Variants in GABRA5 observed in about 807,000 individuals in gnomAD.
The protein encoded by GABRA5 is gamma-aminobutyric acid type A receptor subunit alpha5.
A neutral mutation model predicts 47.3 loss-of-function variants in GABRA5; 18 were observed. The observed-to-expected ratio is 0.38, with a 90% CI of 0.26 to 0.56. The LOEUF (loss-of-function observed/expected upper bound fraction) is 0.56, where lower values mean the gene tolerates loss of function less well. GABRA5 is among the 20% of genes least tolerant of loss of function. GABRA5 has a pLI of 0.71. For missense variants in GABRA5, 365 were observed against 599.3 expected, an observed-to-expected ratio of 0.61 and a Z score of 4.08; for synonymous variants, 237 against 229.3, an observed-to-expected ratio of 1.03 and a Z score of -0.30.
intron 1 of GABRA5, among the ~76,000 whole-genome samples, chr15:26,868,424 A>G (rs1378221545): frequency 1.3e-5 from 2 of 152,216 alleles, no homozygotes; most frequent in African/African-American, 2.4e-5. Flanking sequence ...TTTTCGAAGC[A>G]TACTGTTCGG....
chr15:26,928,574 G>A (rs543599271), intron 7 of GABRA5, among the ~76,000 whole-genome samples: 4 of 152,136 alleles, frequency 2.6e-5, no homozygotes, highest in Admixed American at 6.5e-5. Context: ...GTCCTCCTGC[G>A]TGGGATTAGT....
intron 7 of GABRA5, among the ~76,000 whole-genome samples, chr15:26,929,646 G>C (rs11856121): frequency 6.6e-6 from 1 of 152,194 alleles, no homozygotes; most frequent in Non-Finnish European, 1.5e-5. Context: ...TCTGTTGAGC[G>C]CAGCCCTCAC....
At chr15:26,886,036 T>C (rs1471184750) in intron 6 of GABRA5, among the ~76,000 whole-genome samples, 1 of 152,074 alleles carries the variant, frequency 6.6e-6, no homozygotes, top group African/African-American at 2.4e-5. Context: ...GTTGTTGTTG[T>C]TGAGATGGAG....
At chr15:26,870,720 T>TGTGAA (rs1166470856) in intron 3 of GABRA5, among the ~76,000 whole-genome samples, 1 of 152,232 alleles carries the variant, frequency 6.6e-6, no homozygotes, top group East Asian at 1.9e-4. Flanking sequence ...GCCTGTAAAC[T>TGTGAA]AGCATGTTCA....
Position 26,948,511 on chromosome 15 carries a change from A to G in GABRA5, c.*278A>G. The G allele has an allele frequency of 2.6e-6, 1 of 379,142 alleles. No homozygotes were observed. Among genetic ancestry groups the G allele is most frequent in the South Asian group, 6.0e-5 (1 of 16,628 alleles). 23.5% of individuals were successfully genotyped at this position (379,142 alleles called of 1,614,324 possible). On this transcript the variant is annotated 3_prime_UTR_variant, in exon 11 of 11. Transcript: ENST00000335625. The stretch of plus-strand genomic sequence containing the variant: ...CAGTATCATACGTTGATAGTTTACA[A>G]ACAAGATACGTATATTTTTAACTGC...
At chr15:26,915,605 G>C (rs935995767) in intron 7 of GABRA5, among the ~76,000 whole-genome samples, 21 of 152,088 alleles carry the variant, frequency 1.4e-4, no homozygotes, top group African/African-American at 5.1e-4. Context: ...ATTTCTCCAA[G>C]TATTAAATTT....
At chr15:26,866,845 C>T (rs1385245589), upstream of GABRA5, 1 of 152,250 alleles carries the variant, frequency 6.6e-6, no homozygotes, top group Non-Finnish European at 1.5e-5. Context: ...CCTCTATCAC[C>T]CGACTGCTGA....
Position 26,948,041 on chromosome 15 carries a change from T to C in GABRA5, c.1197T>C (p.Asn399=), listed in dbSNP as rs780668752. The C allele has an allele frequency of 1.9e-6, 3 of 1,607,736 alleles. No individual in the cohort carries two copies. Among genetic ancestry groups the C allele is most frequent in the Non-Finnish European group, 1.7e-6 (2 of 1,176,872 alleles). Residue 399 remains asparagine (N), a synonymous_variant, in exon 11 of 11, where the codon AAT becomes AAC. Transcript: ENST00000335625. ...PKEQTPAGTS[N]TTSVSVKPSE... ...AACAGACCCCAGCAGGGACGTCGAA[T>C]ACAACCTCAGTCTCAGTAAAACCCT...
At chr15:26,933,349 T>G (rs1007476717) in intron 7 of GABRA5, among the ~76,000 whole-genome samples, 1 of 152,126 alleles carries the variant, frequency 6.6e-6, no homozygotes, top group African/African-American at 2.4e-5. Flanking sequence ...CTGTTTTCCA[T>G]GAGGAAATTG....
At chr15:26,939,658 G>A in intron 8 of GABRA5, 2 of 597,560 alleles carry the variant, frequency 3.3e-6, no homozygotes, top group Non-Finnish European at 6.0e-6. Context: ...TGTGACTGGA[G>A]ATTAGTAAAA....
chr15:26,891,051 C>A (rs1320828770), intron 6 of GABRA5, among the ~76,000 whole-genome samples: 2 of 152,204 alleles, frequency 1.3e-5, no homozygotes, highest in Non-Finnish European at 2.9e-5. Flanking sequence ...ACATTTCTTG[C>A]ATATTTGGTT....
At chr15:26,921,865 T>C (rs1243352635) in intron 7 of GABRA5, among the ~76,000 whole-genome samples, 1 of 152,182 alleles carries the variant, frequency 6.6e-6, no homozygotes, top group East Asian at 1.9e-4. Flanking sequence ...ATTATTTAGA[T>C]ATATGTTATT....
intron 7 of GABRA5, among the ~76,000 whole-genome samples, chr15:26,923,546 G>A (rs1477274604): frequency 6.6e-6 from 1 of 151,610 alleles, no homozygotes; most frequent in Non-Finnish European, 1.5e-5. Context: ...TCAGAAGTTT[G>A]ACTATGATGT....
chr15:26,875,305 G>A (rs1452699093), intron 3 of GABRA5, among the ~76,000 whole-genome samples: 12 of 152,190 alleles, frequency 7.9e-5, no homozygotes, highest in Non-Finnish European at 1.5e-5. Flanking sequence ...CTCCCTCGCA[G>A]GGGCATCCTG....
chr15:26,894,113 G>A (rs1257728994), intron 6 of GABRA5, among the ~76,000 whole-genome samples: 1 of 150,964 alleles, frequency 6.6e-6, no homozygotes, highest in Non-Finnish European at 1.5e-5. Context: ...GGAGCGCAGC[G>A]GCCCGGGCAG....
intron 6 of GABRA5, among the ~76,000 whole-genome samples, chr15:26,907,466 T>C (rs1287597783): frequency 1.3e-5 from 2 of 152,220 alleles, no homozygotes; most frequent in African/African-American, 2.4e-5. Context: ...CTATTTCTTA[T>C]GACAGGCAAA....
At chr15:26,887,158 T>G (rs1892899443) in intron 6 of GABRA5, among the ~76,000 whole-genome samples, 1 of 152,206 alleles carries the variant, frequency 6.6e-6, no homozygotes, top group South Asian at 2.1e-4. Flanking sequence ...ATAAGCTTTA[T>G]GCACAAAGGT....
intron 6 of GABRA5, among the ~76,000 whole-genome samples, chr15:26,908,336 G>T (rs1893495017): frequency 6.6e-6 from 1 of 152,086 alleles, no homozygotes; most frequent in Non-Finnish European, 1.5e-5. Flanking sequence ...TGTGACTCAG[G>T]TGTAGAGTGA....
At chr15:26,904,313 C>T (rs912370690) in intron 6 of GABRA5, among the ~76,000 whole-genome samples, 1 of 151,994 alleles carries the variant, frequency 6.6e-6, no homozygotes, top group Non-Finnish European at 1.5e-5. Context: ...TACTGTTCCA[C>T]TGATCTATGC....
Sources: gnomAD v4.1 joint callset for allele counts (sites outside exome capture counted in the v4.1 genomes callset) on GRCh38, gnomAD v4.1.1 for gene constraint, MANE v1.5 for transcripts, NCBI Gene and HGNC (gene_info 2026-07-23, HGNC 2026-07-21) for gene names.